Variants in SESTD1 observed in about 807,000 individuals in gnomAD.
SESTD1 encodes the protein SEC14 and spectrin domain containing 1.
Under a neutral mutation model 101.7 loss-of-function variants are expected in SESTD1, and 43 were observed. That is an observed-to-expected ratio of 0.42 (90% CI 0.33 to 0.55). The LOEUF is 0.55. SESTD1 is among the 20% of genes least tolerant of loss of function. SESTD1 has a pLI of 0.07. For missense variants in SESTD1, 647 were observed against 815.1 expected (o/e 0.79, Z 2.51); for synonymous variants, 283 against 286.8 (o/e 0.99, Z 0.13).
chr2:179,197,152 C>T (rs1330657846), intron 1 of SESTD1, among the ~76,000 whole-genome samples: 4 of 151,578 alleles, frequency 2.6e-5, no homozygotes, highest in African/African-American at 9.7e-5. Context: ...TCGAGAACTA[C>T]GTGAAGAAAG....
rs529267229 is a variant in SESTD1 at position 179,106,368 on chromosome 2, C to T, written c.*3531G>A. ...GTAGGATGTGAGAAGGGGAGTAGTACATAATAATGCCCAATCTCTATTAGC... is the reference window on the plus strand; with the variant it reads ...GTAGGATGTGAGAAGGGGAGTAGTATATAATAATGCCCAATCTCTATTAGC... On this transcript the variant is annotated 3_prime_UTR_variant, in exon 18 of 18. Coordinates refer to ENST00000428443, the MANE Select transcript of SESTD1 (RefSeq NM_178123.5). 2 of 152,100 alleles carry T rather than the reference C, an allele frequency of 1.3e-5. No homozygotes were observed. Among genetic ancestry groups the T allele is most frequent in the African/African-American group, 4.8e-5 (2 of 41,414 alleles). 9.4% of individuals were successfully genotyped at this position (152,100 alleles called of 1,614,324 possible).
At chr2:179,128,096 C>T (rs1285391138) in intron 10 of SESTD1, among the ~76,000 whole-genome samples, 2 of 152,186 alleles carry the variant, frequency 1.3e-5, no homozygotes, top group Non-Finnish European at 2.9e-5. Context: ...TCACTCCTGA[C>T]TTACTAAATC....
intron 1 of SESTD1, among the ~76,000 whole-genome samples, chr2:179,262,768 T>C (rs980770302): frequency 3.3e-5 from 5 of 152,254 alleles, no homozygotes; most frequent in African/African-American, 9.6e-5. Flanking sequence ...CTTTGTTTTC[T>C]TAATTATTGG....
chr2:179,217,609 C>A (rs537884167), intron 1 of SESTD1, among the ~76,000 whole-genome samples: 5 of 152,242 alleles, frequency 3.3e-5, no homozygotes, highest in East Asian at 1.9e-4. Context: ...CCATCTGACC[C>A]GTGATCCTAT....
rs367616005 is a variant in SESTD1 at position 179,225,141 on chromosome 2, T to C, written c.-25-33275A>G. On this transcript the variant is annotated intron_variant, in intron 1 of 17. Transcript: ENST00000428443. ...AGGCAGTGTTAGAACTGAGTTAAAT[T>C]ACAGGATACCCAGTTGGTGTCAGCT... 9.2e-5 allele frequency among the ~76,000 whole-genome samples: 14 copies of C among 152,220 alleles called. No homozygotes were observed. In the East Asian group the frequency reaches 2.7e-3, roughly 29 times the overall value.
chr2:179,217,446 G>C (rs977141251), intron 1 of SESTD1, among the ~76,000 whole-genome samples: 6 of 152,280 alleles, frequency 3.9e-5, no homozygotes, highest in African/African-American at 1.4e-4. Context: ...TCTCACGCCA[G>C]TTAGAATGGC....
At chr2:179,264,116 A>T (rs2047521810) in intron 1 of SESTD1, 1 of 151,994 alleles carries the variant, frequency 6.6e-6, no homozygotes, top group Admixed American at 6.5e-5. Flanking sequence ...TAACGCCCAA[A>T]CCTGTTGCAC....
chr2:179,187,409 G>A (rs2046249863), intron 2 of SESTD1, among the ~76,000 whole-genome samples: 2 of 152,154 alleles, frequency 1.3e-5, no homozygotes, highest in Admixed American at 1.3e-4. Context: ...AGGATCACTT[G>A]AGCCCAGGAG....
At chr2:179,173,481 A>G (rs937586623) in intron 4 of SESTD1, among the ~76,000 whole-genome samples, 1 of 152,238 alleles carries the variant, frequency 6.6e-6, no homozygotes, top group Non-Finnish European at 1.5e-5. Flanking sequence ...ATAATAGAAC[A>G]CATGCTATAA....
At chr2:179,254,210 A>G (rs758921506) in intron 1 of SESTD1, among the ~76,000 whole-genome samples, 11 of 152,190 alleles carry the variant, frequency 7.2e-5, no homozygotes, top group Non-Finnish European at 1.2e-4. Context: ...CTGAACTAAG[A>G]CAAAGACTAT....
At chr2:179,262,261 G>A (rs936194904) in intron 1 of SESTD1, among the ~76,000 whole-genome samples, 1 of 152,128 alleles carries the variant, frequency 6.6e-6, no homozygotes, top group South Asian at 2.1e-4. Context: ...GGGTAATAAC[G>A]TTCTTGGATT....
intron 4 of SESTD1, among the ~76,000 whole-genome samples, chr2:179,176,193 T>C (rs1206065815): frequency 6.6e-6 from 1 of 152,220 alleles, no homozygotes; most frequent in Non-Finnish European, 1.5e-5. Context: ...TGGCCTCCTT[T>C]CTTAAATTAC....
In SESTD1 at chr2:179,227,705, G is replaced by A. The variant is rs538502068; in HGVS notation, c.-25-35839C>T. Among the ~76,000 whole-genome samples the A allele has an allele frequency of 2.1e-3, 327 of 152,194 alleles. 3 individuals are homozygous for A. Among genetic ancestry groups the A allele is most frequent in the African/African-American group, 7.6e-3 (314 of 41,540 alleles). On this transcript the variant is annotated intron_variant, in intron 1 of 17. Transcript: ENST00000428443. ...GTACAAAGCTTAGGTAGGAGGCACC[G>A]AAGTAGCAATTCCCGGTTTTCAATG...
chr2:179,195,808 G>C (rs778961118), intron 1 of SESTD1, among the ~76,000 whole-genome samples: 2 of 150,688 alleles, frequency 1.3e-5, no homozygotes, highest in Non-Finnish European at 2.9e-5. Flanking sequence ...CATGAAGAAG[G>C]TTATAAAGGT....
intron 7 of SESTD1, among the ~76,000 whole-genome samples, chr2:179,148,167 A>G (rs750373670): frequency 5.9e-5 from 9 of 152,214 alleles, no homozygotes; most frequent in Admixed American, 1.3e-4. Flanking sequence ...AAAACTTGAT[A>G]TGTGACTATA....
rs2046692554 is a variant in SESTD1 at position 179,214,519 on chromosome 2, T to TA, written c.-25-22654dup. Among the ~76,000 whole-genome samples the TA allele has an allele frequency of 1.5e-5, 2 of 133,678 alleles. 1 individual carries two copies. Among genetic ancestry groups the TA allele is most frequent in the Non-Finnish European group, 3.2e-5 (2 of 62,484 alleles). The allele number at this position is 133,678 out of a possible 152,430, so 87.7% of individuals were successfully genotyped here. On this transcript the variant is annotated intron_variant, in intron 1 of 17. Transcript: ENST00000428443. ...ATCCTTAGAGACCTACAAAGAGACT[T>TA]AGACTCCCACACAATAATGGGAGAA...
chr2:179,181,179 C>T (rs1359585177), intron 3 of SESTD1, among the ~76,000 whole-genome samples: 1 of 152,064 alleles, frequency 6.6e-6, no homozygotes, highest in African/African-American at 2.4e-5. Flanking sequence ...TTTTGCCTTC[C>T]ACTGTACTTC....
rs1339129049 is a variant in SESTD1, at chr2:179,121,895, T to C, written c.1317A>G (p.Gln439=). The part of the protein sequence containing the change: ...VGLQGLREKG[Q]GLLDQISNQA... The stretch of plus-strand genomic sequence containing the variant: ...GATTGGAGATCTGATCCAGGAGACC[T>C]TGACCTTTTTCACGCAAACCTTGCA... The change falls in exon 13 of 18, where the codon CAA becomes CAG. Residue 439 remains glutamine (Q), a synonymous_variant. Transcript: ENST00000428443. 3 of 1,607,200 alleles carry C rather than the reference T, an allele frequency of 1.9e-6. No homozygotes were observed. Among genetic ancestry groups the C allele is most frequent in the Admixed American group, 1.7e-5 (1 of 58,576 alleles).
intron 1 of SESTD1, among the ~76,000 whole-genome samples, chr2:179,261,299 G>T (rs1260267043): frequency 2.0e-5 from 3 of 151,958 alleles, no homozygotes; most frequent in African/African-American, 7.3e-5. Flanking sequence ...CCCTCACTTT[G>T]TCACTAATCA....
Sources: gnomAD v4.1 joint callset for allele counts (sites outside exome capture counted in the v4.1 genomes callset) on GRCh38, gnomAD v4.1.1 for gene constraint, MANE v1.5 for transcripts, NCBI Gene and HGNC (gene_info 2026-07-23, HGNC 2026-07-21) for gene names.